RAB3B: variants seen among roughly 807,000 people sequenced by gnomAD.
The protein encoded by RAB3B is ras-related protein Rab-3B.
RAB3B carries 11 observed loss-of-function variants against 20.5 expected under a neutral mutation model. That is an observed-to-expected ratio of 0.54 (90% CI 0.34 to 0.89). The LOEUF is 0.89. Among genes scored for constraint, RAB3B ranks in the 40% least tolerant of loss-of-function variants. RAB3B has a pLI of 0.02. For synonymous variants in RAB3B, 99 were observed against 106.3 expected, an observed-to-expected ratio of 0.93 and a Z score of 0.42; for missense variants, 225 against 280.9, an observed-to-expected ratio of 0.80 and a Z score of 1.42.
intron 2 of RAB3B, among the ~76,000 whole-genome samples, chr1:51,976,196 C>T (rs1174217261): frequency 6.7e-6 from 1 of 149,422 alleles, no homozygotes; most frequent in African/African-American, 2.5e-5. Context: ...GATGGAGTCT[C>T]GCTCCGTTGC....
At chr1:51,983,179 C>T (rs1166426386) in intron 1 of RAB3B, among the ~76,000 whole-genome samples, 1 of 151,950 alleles carries the variant, frequency 6.6e-6, no homozygotes, top group Non-Finnish European at 1.5e-5. Flanking sequence ...CATGATGAAA[C>T]TCCATCCCTA....
At chr1:51,921,587 C>T (rs1024790751) in intron 4 of RAB3B, among the ~76,000 whole-genome samples, 3 of 151,962 alleles carry the variant, frequency 2.0e-5, no homozygotes, top group Non-Finnish European at 2.9e-5. Flanking sequence ...TGCTTTAATC[C>T]GACTAACAGT....
Position 51,919,706 on chromosome 1 carries a change from C to T in RAB3B, c.*221G>A, listed in dbSNP as rs921762994. On this transcript the variant is annotated 3_prime_UTR_variant, in exon 5 of 5. Transcript: ENST00000371655. ...CTTCTTTTGTAAAGTGATTCTGCAC[C>T]CGTGTAGTGACCTGTTATGTTAGTC... is the stretch of plus-strand genomic sequence containing the variant. 6 of 450,492 alleles carry T rather than the reference C, an allele frequency of 1.3e-5. No individual in the cohort carries two copies. Among genetic ancestry groups the T allele is most frequent in the African/African-American group, 5.9e-5 (3 of 51,086 alleles). 27.9% of individuals were successfully genotyped at this position (450,492 alleles called of 1,614,324 possible). A position where few individuals can be genotyped will look rare whatever the true frequency, so the allele number is the denominator to read the frequency against.
At chr1:51,961,336 A>G (rs1005649074) in intron 2 of RAB3B, among the ~76,000 whole-genome samples, 3 of 152,114 alleles carry the variant, frequency 2.0e-5, no homozygotes, top group Admixed American at 6.5e-5. Context: ...GCAACAGATA[A>G]CACCTCCGTT....
At chr1:51,928,753 C>T (rs576299015) in intron 4 of RAB3B, among the ~76,000 whole-genome samples, 1 of 152,276 alleles carries the variant, frequency 6.6e-6, no homozygotes, top group South Asian at 2.1e-4. Context: ...AGTCCCTGTG[C>T]CATGGCCTTC....
At chr1:51,970,141 C>T (rs1384663467) in intron 2 of RAB3B, among the ~76,000 whole-genome samples, 1 of 151,944 alleles carries the variant, frequency 6.6e-6, no homozygotes, top group African/African-American at 2.4e-5. Context: ...GAATCCAGGA[C>T]CCAGAGTCCT....
chr1:51,953,643 A>G (rs990958536), intron 2 of RAB3B, among the ~76,000 whole-genome samples: 1 of 152,188 alleles, frequency 6.6e-6, no homozygotes, highest in Non-Finnish European at 1.5e-5. Context: ...TCTACTAAAA[A>G]TACAAAAATT....
chr1:51,955,666 C>A (rs934400156), intron 2 of RAB3B, among the ~76,000 whole-genome samples: 1 of 152,160 alleles, frequency 6.6e-6, no homozygotes, highest in Non-Finnish European at 1.5e-5. Flanking sequence ...TCCCAGAGTG[C>A]TAGAATTACA....
chr1:51,967,505 C>CTTTTTTT (rs1416217737), intron 2 of RAB3B, among the ~76,000 whole-genome samples: 1 of 41,622 alleles, frequency 2.4e-5, no homozygotes, highest in African/African-American at 5.7e-5. Flanking sequence ...TTTCCTTTTT[C>CTTTTTTT]TTTTCTTTTC....
intron 2 of RAB3B, among the ~76,000 whole-genome samples, chr1:51,970,090 AC>A (rs1684908076): frequency 6.6e-6 from 1 of 151,198 alleles, no homozygotes; most frequent in African/African-American, 2.4e-5. Flanking sequence ...AACCCAAAAA[AC>A]AAAAAACAAA....
intron 4 of RAB3B, among the ~76,000 whole-genome samples, chr1:51,923,011 T>C (rs899683981): frequency 5.9e-5 from 9 of 152,164 alleles, no homozygotes; most frequent in Non-Finnish European, 1.2e-4. Context: ...AAGTCTTTAT[T>C]GAGCATTGAC....
chr1:51,967,736 T>C (rs923539460), intron 2 of RAB3B, among the ~76,000 whole-genome samples: 5 of 151,644 alleles, frequency 3.3e-5, no homozygotes, highest in African/African-American at 1.2e-4. Context: ...GTTGCTGGTC[T>C]CACTCCTGAG....
At chr1:51,984,545 C>T (rs994849348) in intron 1 of RAB3B, among the ~76,000 whole-genome samples, 4 of 151,688 alleles carry the variant, frequency 2.6e-5, no homozygotes, top group African/African-American at 9.7e-5. Context: ...TGCTCACCAT[C>T]ACACCGGCTA....
At chr1:51,953,362 G>A (rs1337832604) in intron 2 of RAB3B, among the ~76,000 whole-genome samples, 1 of 152,104 alleles carries the variant, frequency 6.6e-6, no homozygotes, top group African/African-American at 2.4e-5. Context: ...GTGGAAGAGA[G>A]CCAGGAGGAA....
At chr1:51,931,603 C>A (rs571099272) in intron 4 of RAB3B, among the ~76,000 whole-genome samples, 1 of 152,242 alleles carries the variant, frequency 6.6e-6, no homozygotes, top group South Asian at 2.1e-4. Context: ...GCACAGTAGG[C>A]ACAAAGACAA....
At chr1:51,989,208 T>TTTTG (rs1318914367) in intron 1 of RAB3B, among the ~76,000 whole-genome samples, 22 of 99,870 alleles carry the variant, frequency 2.2e-4, no homozygotes, top group African/African-American at 8.6e-4. Flanking sequence ...CCATCTTGTT[T>TTTTG]TGTGTGTGTG....
intron 2 of RAB3B, among the ~76,000 whole-genome samples, chr1:51,945,995 T>C (rs1467062541): frequency 6.6e-6 from 1 of 152,268 alleles, no homozygotes; most frequent in Non-Finnish European, 1.5e-5. Context: ...ATGATATTTT[T>C]TAAGTGTCTG....
chr1:51,935,915 A>G (rs1044459332), intron 3 of RAB3B, among the ~76,000 whole-genome samples: 3 of 152,178 alleles, frequency 2.0e-5, no homozygotes, highest in Non-Finnish European at 4.4e-5. Context: ...AGGAGAACAC[A>G]GACCCCCAGG....
At chr1:51,976,636 G>T (rs566352833) in intron 2 of RAB3B, among the ~76,000 whole-genome samples, 2 of 152,270 alleles carry the variant, frequency 1.3e-5, no homozygotes, top group African/African-American at 4.8e-5. Context: ...CCAAGCCCCA[G>T]TTTCTTGGTC....
Sources: allele counts gnomAD v4.1 joint callset (sites outside exome capture counted in the v4.1 genomes callset), GRCh38; gene constraint gnomAD v4.1.1; transcripts MANE v1.5; gene names NCBI Gene and HGNC (gene_info 2026-07-23, HGNC 2026-07-21).